FOXP1: variants seen among roughly 807,000 people sequenced by gnomAD.
The protein encoded by FOXP1 is forkhead box protein P1.
A neutral mutation model predicts 98.2 loss-of-function variants in FOXP1; 15 were observed. That is an observed-to-expected ratio of 0.15 (90% CI 0.10 to 0.24). The LOEUF (loss-of-function observed/expected upper bound fraction) is 0.24. FOXP1 is among the 10% of genes least tolerant of loss of function. The pLI, the probability that FOXP1 is intolerant of heterozygous loss-of-function variation, is 1.00. For synonymous variants in FOXP1, 371 were observed against 314.5 expected, an observed-to-expected ratio of 1.18 and a Z score of -1.90; for missense variants, 633 against 848.5, an observed-to-expected ratio of 0.75 and a Z score of 3.15.
At chr3:71,488,151 G>A (rs1337993084) in intron 3 of FOXP1, among the ~76,000 whole-genome samples, 1 of 151,988 alleles carries the variant, frequency 6.6e-6, no homozygotes, top group African/African-American at 2.4e-5. Flanking sequence ...ATTATCCAAT[G>A]AATTTATATC....
rs866850275 is a variant in FOXP1, at chr3:71,396,952, A to G, written c.-167-37708T>C. ...TATATATACACATATATATATGTGTATATATATATATGTGTGTATATATAT... is the reference window on the plus strand; with the variant it reads ...TATATATACACATATATATATGTGTGTATATATATATGTGTGTATATATAT... On this transcript the variant is annotated intron_variant, in intron 3 of 20. Transcript: ENST00000649528. Among the ~76,000 whole-genome samples the G allele has an allele frequency of 6.7e-4, 33 of 49,362 alleles. 2 individuals carry two copies. The highest frequency in any genetic ancestry group is 1.7e-3 in the African/African-American group (20 of 11,650). The allele number at this position is 49,362 out of a possible 152,430, so 32.4% of individuals were successfully genotyped here.
At chr3:71,252,507 G>A (rs928477373) in intron 5 of FOXP1, among the ~76,000 whole-genome samples, 1 of 152,020 alleles carries the variant, frequency 6.6e-6, no homozygotes, top group African/African-American at 2.4e-5. Flanking sequence ...ATCTAAATTG[G>A]TTCTCTGAGA....
chr3:71,237,908 T>A (rs2066933776), intron 5 of FOXP1, among the ~76,000 whole-genome samples: 3 of 152,120 alleles, frequency 2.0e-5, no homozygotes, highest in Admixed American at 2.0e-4. Context: ...CATTTATGTG[T>A]CTGGAGGGGG....
At chr3:70,976,835 A>AAAAC (rs2037669761) in intron 17 of FOXP1, 106 bp downstream of exon 17, 1 of 816,208 alleles carries the variant, frequency 1.2e-6, no homozygotes, top group Admixed American at 1.9e-5. Flanking sequence ...TAAGAGTATC[A>AAAAC]AAACAATATA....
chr3:71,308,527 C>T (rs1480418380), intron 4 of FOXP1, among the ~76,000 whole-genome samples: 1 of 152,120 alleles, frequency 6.6e-6, no homozygotes, highest in East Asian at 1.9e-4. Flanking sequence ...AGACTTGTGA[C>T]TAAACCCGGC....
intron 5 of FOXP1, among the ~76,000 whole-genome samples, chr3:71,260,487 C>T (rs952521301): frequency 1.8e-4 from 27 of 151,674 alleles, no homozygotes; most frequent in African/African-American, 6.1e-4. Context: ...AAATGGCATG[C>T]AATAAGTAAT....
chr3:71,358,782 C>T (rs2078347343), intron 4 of FOXP1, among the ~76,000 whole-genome samples: 1 of 152,112 alleles, frequency 6.6e-6, no homozygotes, highest in South Asian at 2.1e-4. Context: ...CACAGTGACA[C>T]CCCTTTGCTT....
intron 2 of FOXP1, among the ~76,000 whole-genome samples, chr3:71,533,082 G>C (rs2043988927): frequency 6.6e-6 from 1 of 152,142 alleles, no homozygotes; most frequent in Non-Finnish European, 1.5e-5. Flanking sequence ...TTCTGCAGCG[G>C]CCAGTGAGAA....
intron 14 of FOXP1, among the ~76,000 whole-genome samples, chr3:70,983,899 T>C (rs1437243698): frequency 1.3e-5 from 2 of 152,224 alleles, no homozygotes; most frequent in East Asian, 3.9e-4. Flanking sequence ...AAATGAAGTA[T>C]CTTGGCAAAT....
At chr3:71,322,889 G>A (rs919101356) in intron 4 of FOXP1, among the ~76,000 whole-genome samples, 1 of 152,022 alleles carries the variant, frequency 6.6e-6, no homozygotes, top group African/African-American at 2.4e-5. Flanking sequence ...GAGAACTCTG[G>A]AAAGCTTCTA....
intron 6 of FOXP1, among the ~76,000 whole-genome samples, chr3:71,128,698 C>A (rs890367583): frequency 1.6e-4 from 24 of 152,162 alleles, no homozygotes; most frequent in Admixed American, 6.5e-4. Context: ...CACACACATA[C>A]ACCACACAGT....
At position 71,535,704 on chromosome 3, in the gene FOXP1, A is replaced by G. The variant is rs1019771025; in HGVS notation, c.-297-42149T>C. Among the ~76,000 whole-genome samples the G allele has an allele frequency of 2.6e-5, 4 of 152,150 alleles. No homozygotes were observed. In the South Asian group the frequency reaches 8.3e-4, roughly 32 times the overall value. On this transcript the variant is annotated intron_variant, in intron 2 of 20. Transcript: ENST00000649528. ...GCACCACTACACTCCAGACTGGGTGACAGAGGGAGACTCTGTCTCAAAAGA... is the reference window on the plus strand; with the variant it reads ...GCACCACTACACTCCAGACTGGGTGGCAGAGGGAGACTCTGTCTCAAAAGA...
intron 3 of FOXP1, among the ~76,000 whole-genome samples, chr3:71,464,262 C>G (rs954163954): frequency 2.6e-5 from 4 of 152,210 alleles, no homozygotes; most frequent in Admixed American, 2.6e-4. Context: ...GGCGACAGAA[C>G]GAGATCCTGT....
intron 3 of FOXP1, among the ~76,000 whole-genome samples, chr3:71,412,858 G>T (rs2082863755): frequency 6.6e-6 from 1 of 152,042 alleles, no homozygotes; most frequent in African/African-American, 2.4e-5. Context: ...ACATTTGGGG[G>T]TGAATATGTT....
chr3:71,348,062 A>G (rs2077484936), intron 4 of FOXP1, among the ~76,000 whole-genome samples: 2 of 152,194 alleles, frequency 1.3e-5, no homozygotes. Flanking sequence ...GATTAATGAT[A>G]ACAAATAACA....
intron 6 of FOXP1, among the ~76,000 whole-genome samples, chr3:71,173,329 T>C (rs757836246): frequency 6.6e-6 from 1 of 151,612 alleles, no homozygotes; most frequent in African/African-American, 2.4e-5. Context: ...CCTGACTCTA[T>C]TCACAAAATT....
At chr3:71,416,395 T>G (rs1457296655) in intron 3 of FOXP1, among the ~76,000 whole-genome samples, 4 of 151,996 alleles carry the variant, frequency 2.6e-5, no homozygotes. Context: ...AATAAAAATT[T>G]GCCAGGTATG....
intron 6 of FOXP1, among the ~76,000 whole-genome samples, chr3:71,141,995 G>A (rs189694462): frequency 2.0e-5 from 3 of 152,308 alleles, no homozygotes; most frequent in South Asian, 2.1e-4. Context: ...TTATTGAATC[G>A]TTAGTGAAAC....
intron 5 of FOXP1, among the ~76,000 whole-genome samples, chr3:71,279,416 A>G (rs889227754): frequency 6.6e-6 from 1 of 152,070 alleles, no homozygotes; most frequent in African/African-American, 2.4e-5. Context: ...TTTCCCTGTC[A>G]TGCATGGGGC....
Sources: gnomAD v4.1 joint callset for allele counts (sites outside exome capture counted in the v4.1 genomes callset) on GRCh38, gnomAD v4.1.1 for gene constraint, MANE v1.5 for transcripts, NCBI Gene and HGNC (gene_info 2026-07-23, HGNC 2026-07-21) for gene names.